The following TEC variants were observed in gnomAD, a reference collection of about 807,000 sequenced individuals.
The protein encoded by TEC is tec protein tyrosine kinase.
Under a neutral mutation model 93.0 loss-of-function variants are expected in TEC, and 72 were observed. That is an observed-to-expected ratio of 0.77 (90% CI 0.64 to 0.94). The LOEUF is 0.94. TEC is among the 40% of genes least tolerant of loss of function. The pLI is 0.00. For synonymous variants in TEC, 249 were observed against 247.7 expected, an observed-to-expected ratio of 1.01 and a Z score of -0.05; for missense variants, 630 against 757.9, an observed-to-expected ratio of 0.83 and a Z score of 1.98.
At chr4:48,252,054 C>T (rs113063447) in intron 1 of TEC, among the ~76,000 whole-genome samples, 10 of 152,292 alleles carry the variant, frequency 6.6e-5, no homozygotes, top group East Asian at 1.9e-4. Context: ...GATAACAGAA[C>T]GCAGTTCACA....
Position 48,183,509 on chromosome 4 carries a change from T to A in TEC, c.139-7323A>T, listed in dbSNP as rs547019835. On this transcript the variant is annotated intron_variant, in intron 2 of 17. Transcript: ENST00000381501. ...TCATCCAATCCGATGAGGGGGCAAA[T>A]AGAACAAACAAAGGCAAAGGGAAAG... 2.6e-5 allele frequency among the ~76,000 whole-genome samples: 4 copies of A among 152,248 alleles called. No individual in the cohort carries two copies. In the South Asian group the frequency reaches 8.3e-4, roughly 32 times the overall value.
At chr4:48,241,232 C>T (rs1261861320) in intron 1 of TEC, among the ~76,000 whole-genome samples, 2 of 151,470 alleles carry the variant, frequency 1.3e-5, no homozygotes, top group African/African-American at 4.9e-5. Context: ...TTTTTAAATA[C>T]CTGTAAATTC....
At chr4:48,144,223 A>C (rs1719807944) in intron 14 of TEC, among the ~76,000 whole-genome samples, 1 of 152,194 alleles carries the variant, frequency 6.6e-6, no homozygotes. Flanking sequence ...CAAAGGAAAA[A>C]AAAATTTTTT....
chr4:48,150,205 C>T (rs1720100974), intron 10 of TEC, among the ~76,000 whole-genome samples: 1 of 152,190 alleles, frequency 6.6e-6, no homozygotes, highest in Non-Finnish European at 1.5e-5. Context: ...TCTGCTTCAA[C>T]TCTGAGGCTT....
chr4:48,267,585 T>C (rs1338721771), intron 1 of TEC, among the ~76,000 whole-genome samples: 1 of 152,218 alleles, frequency 6.6e-6, no homozygotes, highest in African/African-American at 2.4e-5. Flanking sequence ...TTTATGATCG[T>C]AATTAGTCCA....
chr4:48,190,025 C>T (rs868826681), intron 2 of TEC, among the ~76,000 whole-genome samples: 1 of 152,124 alleles, frequency 6.6e-6, no homozygotes, highest in Non-Finnish European at 1.5e-5. Context: ...CGGAGCTAAG[C>T]ATCATGGGAA....
intron 1 of TEC, among the ~76,000 whole-genome samples, chr4:48,257,325 T>G (rs1186771280): frequency 6.6e-6 from 1 of 152,228 alleles, no homozygotes; most frequent in African/African-American, 2.4e-5. Flanking sequence ...TTTGAAGACA[T>G]CTTAAGGTCT....
At chr4:48,215,014 G>A (rs574647809) in intron 2 of TEC, among the ~76,000 whole-genome samples, 7 of 152,152 alleles carry the variant, frequency 4.6e-5, no homozygotes, top group Non-Finnish European at 8.8e-5. Context: ...TTAGCCAGGC[G>A]AGGTGGATCA....
intron 2 of TEC, among the ~76,000 whole-genome samples, chr4:48,196,267 C>T (rs1045627947): frequency 5.9e-5 from 9 of 152,192 alleles, no homozygotes; most frequent in African/African-American, 2.2e-4. Context: ...TAAGAACCAG[C>T]AGGCCTCTAT....
chr4:48,148,934 CT>C (rs55866610), intron 11 of TEC, among the ~76,000 whole-genome samples: 60,554 of 151,870 alleles, frequency 0.4, 12,459 homozygotes, highest in Admixed American at 0.48. Context: ...ATTTGGTTTT[CT>C]GTTCCTGTGT....
chr4:48,246,281 T>C (rs2457413), intron 1 of TEC, among the ~76,000 whole-genome samples: 118,028 of 152,112 alleles, frequency 0.78, 46,664 homozygotes, highest in African/African-American at 0.93. Context: ...TTAAAAAGAC[T>C]TAAATAAATG....
chr4:48,254,277 G>A (rs1458146746), intron 1 of TEC, among the ~76,000 whole-genome samples: 2 of 152,212 alleles, frequency 1.3e-5, no homozygotes, highest in African/African-American at 4.8e-5. Flanking sequence ...GAGACCAGGA[G>A]GGTACCTGCA....
At position 48,170,245 on chromosome 4, in the gene TEC, T is replaced by C. The variant is rs1180763909; in HGVS notation, c.454+3A>G. The C allele has an allele frequency of 6.3e-7, 1 of 1,585,732 alleles. No homozygotes were observed. Among genetic ancestry groups the C allele is most frequent in the Admixed American group, 1.7e-5 (1 of 58,846 alleles). The stretch of plus-strand genomic sequence containing the variant: ...ATAATTATGGAATAAAATGAATACT[T>C]ACTGCTCTCAAAAAGATTGTATTTT... On this transcript the variant is annotated splice_donor_region_variant and intron_variant, in intron 5 of 17. Transcript: ENST00000381501.
intron 15 of TEC, among the ~76,000 whole-genome samples, chr4:48,140,435 C>T (rs1283922552): frequency 6.6e-6 from 1 of 152,220 alleles, no homozygotes; most frequent in Non-Finnish European, 1.5e-5. Flanking sequence ...TCCTGAACAT[C>T]AGATCAAGTA....
chr4:48,161,453 T>C (rs1367306264), intron 8 of TEC, among the ~76,000 whole-genome samples: 1 of 152,106 alleles, frequency 6.6e-6, no homozygotes, highest in African/African-American at 2.4e-5. Flanking sequence ...CACTGTTGAC[T>C]GGGTATGGAA....
At position 48,167,939 on chromosome 4, in the gene TEC, T is replaced by C; in HGVS notation, c.510A>G (p.Pro170=). 1.2e-6 allele frequency: 2 copies of C among 1,613,752 alleles called. No homozygotes were observed. The highest frequency in any genetic ancestry group is 1.7e-6 in the Non-Finnish European group (2 of 1,179,830). ...TATCTTCTTCTTCTAGTGGAATTGG[T>C]GGGGGAGGCCTTCGCTAGACAAGGA... ...APETKKRRPP[P]PIPLEEEDNS... The change falls in exon 7 of 18, where the codon CCA becomes CCG. Residue 170 remains proline, a synonymous_variant. Coordinates refer to ENST00000381501, the MANE Select transcript of TEC (RefSeq NM_003215.3).
intron 3 of TEC, among the ~76,000 whole-genome samples, chr4:48,172,974 A>C (rs1262476911): frequency 6.6e-6 from 1 of 152,174 alleles, no homozygotes; most frequent in Admixed American, 6.6e-5. Flanking sequence ...GGTGTATTGT[A>C]ATAACAATTT....
At chr4:48,160,418 G>A (rs1281415632) in intron 8 of TEC, among the ~76,000 whole-genome samples, 1 of 151,998 alleles carries the variant, frequency 6.6e-6, no homozygotes, top group East Asian at 1.9e-4. Context: ...GGAGAAAGAG[G>A]GCCCAACAAT....
At chr4:48,235,772 TATC>T (rs1435828204) in intron 1 of TEC, among the ~76,000 whole-genome samples, 2 of 152,162 alleles carry the variant, frequency 1.3e-5, no homozygotes, top group Non-Finnish European at 2.9e-5. Flanking sequence ...TCATTATCAT[TATC>T]ATTATTAAGC....
Sources: allele counts gnomAD v4.1 joint callset (sites outside exome capture counted in the v4.1 genomes callset), GRCh38; gene constraint gnomAD v4.1.1; transcripts MANE v1.5; gene names NCBI Gene and HGNC (gene_info 2026-07-23, HGNC 2026-07-21).